Variants in CFAP61 observed in about 807,000 individuals in gnomAD.
CFAP61 encodes the protein cilia and flagella associated protein 61.
CFAP61 carries 107 observed loss-of-function variants against 135.6 expected under a neutral mutation model. The ratio of observed to expected loss-of-function variants is 0.79; its 90% confidence interval spans 0.67 to 0.93. CFAP61 has a LOEUF of 0.93. CFAP61 is among the 40% of genes least tolerant of loss of function. CFAP61 has a pLI of 0.00. For synonymous variants in CFAP61, 575 were observed against 578.5 expected, an observed-to-expected ratio of 0.99 and a Z score of 0.09; for missense variants, 1,507 against 1,556.2, an observed-to-expected ratio of 0.97 and a Z score of 0.53.
At chr20:20,169,187 G>A in intron 12 of CFAP61, 134 bp from the exon 13 acceptor site, 1 of 777,604 alleles carries the variant, frequency 1.3e-6, no homozygotes. Context: ...CCAAATTATA[G>A]GAAAGGTAAT....
intron 25 of CFAP61, among the ~76,000 whole-genome samples, chr20:20,317,459 A>G (rs1480647148): frequency 6.6e-6 from 1 of 152,220 alleles, no homozygotes; most frequent in Non-Finnish European, 1.5e-5. Flanking sequence ...GCACAGTGAC[A>G]GATGGCAGAG....
chr20:20,168,477 CACAAT>C (rs939172697), intron 12 of CFAP61, among the ~76,000 whole-genome samples: 77 of 152,274 alleles, frequency 5.1e-4, no homozygotes, highest in African/African-American at 1.8e-3. Flanking sequence ...TATAGTACAT[CACAAT>C]ACAAGTACTA....
Position 20,360,296 on chromosome 20 carries a change from C to G in CFAP61, c.3600C>G (p.Leu1200=). 6.2e-7 allele frequency: 1 copy of G among 1,613,866 alleles called. No individual in the cohort carries two copies. Among genetic ancestry groups the G allele is most frequent in the Non-Finnish European group, 8.5e-7 (1 of 1,179,960 alleles). The change falls in exon 27 of 27, where the codon CTC becomes CTG. Residue 1200 remains leucine, a synonymous_variant. Transcript: ENST00000245957. The stretch of plus-strand genomic sequence containing the variant: ...CGACTGAGAAGCCCAGGCAATACCT[C>G]AAAAGAGTTTTTGAGGAATCCATCT... ...INPTEKPRQY[L]KRVFEESIYK...
chr20:20,320,530 T>C lies in CFAP61; in HGVS notation c.3423-21301T>C, dbSNP rs1293094755. On this transcript the variant is annotated intron_variant, in intron 25 of 26. Transcript: ENST00000245957. The stretch of plus-strand genomic sequence containing the variant: ...TATATGTAATATATAATATATATTA[T>C]ATATGTAATATATATATATTTAAAA... Among the ~76,000 whole-genome samples the C allele has an allele frequency of 8.3e-5, 5 of 60,386 alleles. 1 individual carries two copies. Among genetic ancestry groups the C allele is most frequent in the Non-Finnish European group, 1.7e-4 (5 of 28,744 alleles). The allele number at this position is 60,386 out of a possible 152,430, so 39.6% of individuals were successfully genotyped here.
chr20:20,146,263 TA>T (rs2051875302), intron 9 of CFAP61, among the ~76,000 whole-genome samples: 2 of 152,148 alleles, frequency 1.3e-5, no homozygotes, highest in Non-Finnish European at 2.9e-5. Flanking sequence ...CTGGATGAAC[TA>T]ATGAGTGAAG....
intron 8 of CFAP61, among the ~76,000 whole-genome samples, chr20:20,136,566 C>T (rs1021644769): frequency 2.6e-5 from 4 of 152,156 alleles, no homozygotes; most frequent in African/African-American, 7.2e-5. Flanking sequence ...TTTTTCAACT[C>T]CAGAATTTCT....
At chr20:20,210,292 TTCCTCC>T (rs2047537379) in intron 17 of CFAP61, among the ~76,000 whole-genome samples, 1 of 152,286 alleles carries the variant, frequency 6.6e-6, no homozygotes, top group Admixed American at 6.5e-5. Context: ...CCCTCTGGCT[TTCCTCC>T]TCCTGGTCCT....
chr20:20,277,565 T>C lies in CFAP61; in HGVS notation c.2796+107T>C, dbSNP rs1015852969. The C allele has an allele frequency of 2.4e-6, 3 of 1,238,826 alleles. No homozygotes were observed. The African/African-American group carries it at 4.5e-5, about 19-fold the overall frequency. The allele number at this position is 1,238,826 out of a possible 1,614,324, so 76.7% of individuals were successfully genotyped here. On this transcript the variant is annotated intron_variant, in intron 22 of 26. Coordinates refer to ENST00000245957, the MANE Select transcript of CFAP61 (RefSeq NM_015585.4). ...GGCAGTGAATTTGTAGTACCAGATG[T>C]TGGATTTTGTTTTCTGTGTGTTCAG...
intron 21 of CFAP61, among the ~76,000 whole-genome samples, chr20:20,276,569 G>A (rs541096539): frequency 6.6e-6 from 1 of 152,172 alleles, no homozygotes; most frequent in East Asian, 1.9e-4. Flanking sequence ...TTTTATTTTT[G>A]CTAACAAAAA....
chr20:20,067,743 TAA>T (rs1429674603), intron 2 of CFAP61, among the ~76,000 whole-genome samples: 35 of 145,392 alleles, frequency 2.4e-4, no homozygotes, highest in Admixed American at 2.4e-3. Flanking sequence ...ATTTTATATA[TAA>T]TATATATTTA....
At position 20,298,357 on chromosome 20, in the gene CFAP61, C is replaced by T. The variant is rs775687199; in HGVS notation, c.3393C>T (p.Tyr1131=). ...EQLLNNLCAR[Y]DENLITDLYS... Reference sequence around the variant, plus strand: ...TCCTCAACAACCTGTGTGCTCGGTACGATGAAAACCTGATCACAGATCTCT... The same window carrying T: ...TCCTCAACAACCTGTGTGCTCGGTATGATGAAAACCTGATCACAGATCTCT... The change falls in exon 25 of 27, where the codon TAC becomes TAT. Residue 1131 remains tyrosine (Y), a synonymous_variant. Transcript: ENST00000245957. 32 of 1,613,918 alleles carry T rather than the reference C, an allele frequency of 2.0e-5. No individual in the cohort carries two copies. The highest frequency in any genetic ancestry group is 1.6e-4 in the Middle Eastern group (1 of 6,084).
intron 22 of CFAP61, among the ~76,000 whole-genome samples, chr20:20,285,935 A>G (rs1298232183): frequency 6.9e-6 from 1 of 144,368 alleles, no homozygotes; most frequent in Non-Finnish European, 1.5e-5. Flanking sequence ...AAAAAAAAAA[A>G]CAAAAACAAA....
chr20:20,126,434 C>T (rs1036790612), intron 8 of CFAP61, among the ~76,000 whole-genome samples: 3 of 151,742 alleles, frequency 2.0e-5, no homozygotes, highest in Admixed American at 1.3e-4. Flanking sequence ...TCTCAGCATT[C>T]GTTTGTCTGA....
chr20:20,344,500 T>C (rs1393298010), intron 26 of CFAP61, among the ~76,000 whole-genome samples: 2 of 152,174 alleles, frequency 1.3e-5, no homozygotes, highest in Non-Finnish European at 2.9e-5. Context: ...ATATGAAAAA[T>C]GCTTAACATC....
intron 18 of CFAP61, among the ~76,000 whole-genome samples, chr20:20,231,945 C>T (rs949267865): frequency 1.3e-5 from 2 of 151,758 alleles, no homozygotes; most frequent in African/African-American, 4.8e-5. Flanking sequence ...ATTTGGCCAC[C>T]CCGTTCTTTG....
chr20:20,193,719 T>G (rs936061423), intron 15 of CFAP61, among the ~76,000 whole-genome samples: 8 of 152,174 alleles, frequency 5.3e-5, no homozygotes, highest in African/African-American at 1.9e-4. Flanking sequence ...GTTCAAGCGA[T>G]TCTCCTGCCT....
chr20:20,351,317 A>G (rs1392079765), intron 26 of CFAP61, among the ~76,000 whole-genome samples: 1 of 152,224 alleles, frequency 6.6e-6, no homozygotes, highest in Non-Finnish European at 1.5e-5. Context: ...ATGGTGGCTC[A>G]CACCTGTAAT....
At chr20:20,313,173 C>A (rs1464268635) in intron 25 of CFAP61, among the ~76,000 whole-genome samples, 1 of 152,190 alleles carries the variant, frequency 6.6e-6, no homozygotes, top group Non-Finnish European at 1.5e-5. Context: ...ATGTCACTCT[C>A]TCTCTGTCTC....
intron 25 of CFAP61, among the ~76,000 whole-genome samples, chr20:20,303,371 C>T (rs2122155037): frequency 6.6e-6 from 1 of 152,190 alleles, no homozygotes; most frequent in Non-Finnish European, 1.5e-5. Context: ...TTTGGGATGG[C>T]AAGACGGGGT....
Sources: allele counts gnomAD v4.1 joint callset (sites outside exome capture counted in the v4.1 genomes callset), GRCh38; gene constraint gnomAD v4.1.1; transcripts MANE v1.5; gene names NCBI Gene and HGNC (gene_info 2026-07-23, HGNC 2026-07-21).